Variants in LRP1B observed in about 807,000 individuals in gnomAD.
The protein encoded by LRP1B is low-density lipoprotein receptor-related protein 1B.
In LRP1B, 217 loss-of-function variants were observed where a neutral mutation model predicts 556.6. The observed-to-expected ratio is 0.39, with a 90% CI of 0.35 to 0.44. The LOEUF is 0.44. Ranked by LOEUF, LRP1B falls within the 20% of genes least tolerant of loss-of-function variation. The pLI is 1.00. For missense variants in LRP1B, 5,053 were observed against 5,620.8 expected, an observed-to-expected ratio of 0.90 and a Z score of 3.23; for synonymous variants, 2,047 against 1,865.8, an observed-to-expected ratio of 1.10 and a Z score of -2.50.
chr2:140,352,357 G>C (rs1441756674), intron 76 of LRP1B, among the ~76,000 whole-genome samples: 1 of 151,940 alleles, frequency 6.6e-6, no homozygotes, highest in Non-Finnish European at 1.5e-5. Flanking sequence ...TGTAGTTTTA[G>C]TAGAGACGGG....
intron 43 of LRP1B, among the ~76,000 whole-genome samples, chr2:140,543,803 T>C (rs2105026611): frequency 6.6e-6 from 1 of 152,130 alleles, no homozygotes; most frequent in African/African-American, 2.4e-5. Context: ...CAAATGCTGC[T>C]AGAATGAATA....
intron 32 of LRP1B, among the ~76,000 whole-genome samples, chr2:140,795,863 A>G (rs1690285188): frequency 6.6e-6 from 1 of 152,086 alleles, no homozygotes; most frequent in Non-Finnish European, 1.5e-5. Context: ...CTTCAGGAGT[A>G]ATCTCTTCAG....
intron 35 of LRP1B, among the ~76,000 whole-genome samples, chr2:140,723,544 ATTTAAAT>A (rs984212667): frequency 2.1e-5 from 1 of 47,016 alleles, no homozygotes; most frequent in African/African-American, 6.4e-5. Flanking sequence ...AGCCATATCC[ATTTAAAT>A]TATGTTAGCA....
chr2:141,341,657 A>G (rs1317100118), intron 3 of LRP1B, among the ~76,000 whole-genome samples: 1 of 152,208 alleles, frequency 6.6e-6, no homozygotes, highest in Non-Finnish European at 1.5e-5. Flanking sequence ...AGTAGGGACC[A>G]TATAACTCAT....
intron 79 of LRP1B, among the ~76,000 whole-genome samples, chr2:140,332,826 T>A (rs1271161271): frequency 6.6e-6 from 1 of 152,078 alleles, no homozygotes; most frequent in African/African-American, 2.4e-5. Context: ...CTCGCCTAAG[T>A]ACCGTGCTAC....
At chr2:141,013,390 A>G (rs1209167845) in intron 14 of LRP1B, among the ~76,000 whole-genome samples, 166 bp downstream of exon 14, 1 of 152,060 alleles carries the variant, frequency 6.6e-6, no homozygotes, top group Non-Finnish European at 1.5e-5. Context: ...AGAACAACAA[A>G]AAGTAAATTT....
At chr2:141,724,851 A>G (rs752674340) in intron 2 of LRP1B, among the ~76,000 whole-genome samples, 1 of 151,968 alleles carries the variant, frequency 6.6e-6, no homozygotes, top group Non-Finnish European at 1.5e-5. Flanking sequence ...TGTATTCCAC[A>G]TTCTGAAGTG....
intron 71 of LRP1B, among the ~76,000 whole-genome samples, chr2:140,368,443 G>C (rs1682858148): frequency 6.6e-6 from 1 of 151,700 alleles, no homozygotes; most frequent in Admixed American, 6.6e-5. Flanking sequence ...TTGTTGAGCT[G>C]ATAATTACTC....
chr2:140,964,569 A>G (rs1573928605), intron 18 of LRP1B, among the ~76,000 whole-genome samples: 1 of 147,300 alleles, frequency 6.8e-6, no homozygotes, highest in Non-Finnish European at 1.5e-5. Context: ...GGCATAACAG[A>G]AGGCTCGCAC....
chr2:140,926,880 A>G, intron 20 of LRP1B, among the ~76,000 whole-genome samples: 1 of 152,210 alleles, frequency 6.6e-6, no homozygotes, highest in Admixed American at 6.5e-5. Flanking sequence ...GTGTTTCTTT[A>G]TCTCCCATCC....
chr2:140,476,895 A>G (rs561441935), intron 59 of LRP1B, among the ~76,000 whole-genome samples: 1 of 152,186 alleles, frequency 6.6e-6, no homozygotes, highest in African/African-American at 2.4e-5. Flanking sequence ...TTGTATATAC[A>G]TATTAACTTT....
At chr2:141,191,738 G>A (rs1558922879) in intron 6 of LRP1B, among the ~76,000 whole-genome samples, 1 of 146,968 alleles carries the variant, frequency 6.8e-6, no homozygotes, top group African/African-American at 2.5e-5. Context: ...TTATTTATCT[G>A]TCTTGAGAAA....
At chr2:140,543,582 T>G (rs1222522876) in intron 43 of LRP1B, among the ~76,000 whole-genome samples, 1 of 151,890 alleles carries the variant, frequency 6.6e-6, no homozygotes, top group Non-Finnish European at 1.5e-5. Context: ...TCAAAAAATA[T>G]GAATAGAAAT....
intron 2 of LRP1B, among the ~76,000 whole-genome samples, chr2:141,705,723 G>T (rs1470458190): frequency 1.3e-5 from 2 of 151,994 alleles, no homozygotes; most frequent in Non-Finnish European, 2.9e-5. Flanking sequence ...CTAAGGAATT[G>T]AAGTGTCTCT....
chr2:140,383,496 G>A (rs1048533412), intron 67 of LRP1B, among the ~76,000 whole-genome samples: 2 of 149,860 alleles, frequency 1.3e-5, no homozygotes, highest in African/African-American at 2.5e-5. Flanking sequence ...TGTGTAGAAC[G>A]ACTGGCATTG....
rs138219811 is a variant in LRP1B at position 141,664,223 on chromosome 2, T to C, written c.205+146056A>G. Among the ~76,000 whole-genome samples the C allele has an allele frequency of 5.3e-3, 809 of 152,240 alleles. 12 individuals carry two copies. Among genetic ancestry groups the C allele is most frequent in the African/African-American group, 0.019 (774 of 41,522 alleles). ...TTAAAAACTCGCAATAAACTAGGTA[T>C]TGATGGAACATAACTCAAAATAATA... On this transcript the variant is annotated intron_variant, in intron 2 of 90. Transcript: ENST00000389484.
intron 45 of LRP1B, among the ~76,000 whole-genome samples, chr2:140,538,538 G>T (rs1190149271): frequency 2.0e-5 from 3 of 149,370 alleles, no homozygotes; most frequent in African/African-American, 7.4e-5. Context: ...TAACTCTCTC[G>T]ATGATAACAA....
chr2:141,945,427 T>C (rs1700924901), intron 1 of LRP1B, among the ~76,000 whole-genome samples: 1 of 152,114 alleles, frequency 6.6e-6, no homozygotes, highest in African/African-American at 2.4e-5. Flanking sequence ...ACTCTAACTT[T>C]ACCTCTCTTA....
chr2:141,477,854 G>A (rs1406988609), intron 3 of LRP1B, among the ~76,000 whole-genome samples: 1 of 152,008 alleles, frequency 6.6e-6, no homozygotes, highest in African/African-American at 2.4e-5. Context: ...AGGTCATAAT[G>A]AATGGTTGCT....
Sources: gnomAD v4.1 joint callset for allele counts (sites outside exome capture counted in the v4.1 genomes callset) on GRCh38, gnomAD v4.1.1 for gene constraint, MANE v1.5 for transcripts, NCBI Gene and HGNC (gene_info 2026-07-23, HGNC 2026-07-21) for gene names.